The following NHEJ1 variants were observed in gnomAD, a reference collection of about 807,000 sequenced individuals.
NHEJ1 encodes non-homologous end-joining factor 1.
Under a neutral mutation model 39.4 loss-of-function variants are expected in NHEJ1, and 22 were observed. That is an observed-to-expected ratio of 0.56 (90% CI 0.40 to 0.80). The LOEUF is 0.80. NHEJ1 is among the 30% of genes least tolerant of loss of function. NHEJ1 has a pLI of 0.00. For synonymous variants in NHEJ1, 154 were observed against 135.6 expected, an observed-to-expected ratio of 1.14 and a Z score of -0.94; for missense variants, 329 against 357.1, an observed-to-expected ratio of 0.92 and a Z score of 0.63.
intron 5 of NHEJ1, among the ~76,000 whole-genome samples, chr2:219,128,908 C>G (rs1949549474): frequency 6.6e-6 from 1 of 152,248 alleles, no homozygotes; most frequent in Non-Finnish European, 1.5e-5. Flanking sequence ...GTCCATACAA[C>G]TCTTCCAATG....
chr2:219,110,929 A>T (rs1949359884), intron 5 of NHEJ1, among the ~76,000 whole-genome samples: 1 of 152,148 alleles, frequency 6.6e-6, no homozygotes, highest in African/African-American at 2.4e-5. Context: ...GTTGGACTGA[A>T]CTGTCCAAGC....
At chr2:219,153,697 G>GA (rs1375597999) in intron 3 of NHEJ1, among the ~76,000 whole-genome samples, 1 of 129,368 alleles carries the variant, frequency 7.7e-6, no homozygotes, top group Non-Finnish European at 1.8e-5. Context: ...AGAAAAGGGG[G>GA]GGGGGGTGGA....
chr2:219,141,335 G>A (rs1949689510), intron 5 of NHEJ1, among the ~76,000 whole-genome samples: 2 of 151,224 alleles, frequency 1.3e-5, no homozygotes, highest in Admixed American at 6.6e-5. Context: ...AGCCGAGATT[G>A]TGCCACTGCA....
At chr2:219,097,712 A>G (rs1949222440) in intron 5 of NHEJ1, among the ~76,000 whole-genome samples, 2 of 152,204 alleles carry the variant, frequency 1.3e-5, no homozygotes, top group South Asian at 4.1e-4. Context: ...GAGAAGTTCA[A>G]TATGAATATG....
At chr2:219,126,020 T>C (rs112455939) in intron 5 of NHEJ1, among the ~76,000 whole-genome samples, 3 of 152,214 alleles carry the variant, frequency 2.0e-5, no homozygotes, top group Non-Finnish European at 4.4e-5. Flanking sequence ...TTCTCCAAGA[T>C]AGAGGATTCC....
chr2:219,078,304 TA>T, intron 5 of NHEJ1, 98 bp from the exon 6 acceptor site: 1 of 1,043,804 alleles, frequency 9.6e-7, no homozygotes, highest in Non-Finnish European at 1.5e-6. Flanking sequence ...CCAAATGAAT[TA>T]ATATAAAGCA....
In NHEJ1 at chr2:219,157,603, C is replaced by T. The variant is rs150307533; in HGVS notation, c.259G>A (p.Ala87Thr). 6.1e-5 allele frequency: 98 copies of T among 1,614,004 alleles called. No homozygotes were observed. Among genetic ancestry groups the T allele is most frequent in the African/African-American group, 5.9e-4 (44 of 74,920 alleles). ...DNLLRPLLKD[A>T]AHPSEATFSC... ...AAGGTAGCTTCGCTAGGGTGAGCAG[C>T]GTCCTTCAACAATGGGCGAAGGAGA... Residue 87 changes from alanine (A) to threonine (T), a missense_variant, in exon 3 of 8, where the codon GCT becomes ACT. By Grantham distance (58) the Ala-to-Thr change is moderately conservative (BLOSUM62 0). Coordinates refer to ENST00000356853, the MANE Select transcript of NHEJ1 (RefSeq NM_024782.3).
At chr2:219,139,704 T>A (rs895468990) in intron 5 of NHEJ1, among the ~76,000 whole-genome samples, 1 of 152,152 alleles carries the variant, frequency 6.6e-6, no homozygotes, top group Non-Finnish European at 1.5e-5. Flanking sequence ...TGAGACAGAG[T>A]CTCGCTCTTT....
At chr2:219,142,289 G>A (rs947460825) in intron 5 of NHEJ1, among the ~76,000 whole-genome samples, 2 of 152,208 alleles carry the variant, frequency 1.3e-5, no homozygotes, top group Non-Finnish European at 1.5e-5. Context: ...CCTACCAAAG[G>A]AAGCCAACTT....
At chr2:219,147,509 C>G (rs1432940653) in intron 4 of NHEJ1, 148 bp downstream of exon 4, 1 of 904,504 alleles carries the variant, frequency 1.1e-6, no homozygotes, top group South Asian at 1.4e-5. Flanking sequence ...AAAGAGTCAC[C>G]TAATATCAAG....
At chr2:219,138,776 C>G (rs896663532) in intron 5 of NHEJ1, among the ~76,000 whole-genome samples, 10 of 152,122 alleles carry the variant, frequency 6.6e-5, no homozygotes, top group Admixed American at 3.9e-4. Context: ...GCAGGGGGGA[C>G]AAATGGAGCT....
At chr2:219,116,626 G>A (rs1165788770) in intron 5 of NHEJ1, among the ~76,000 whole-genome samples, 1 of 152,088 alleles carries the variant, frequency 6.6e-6, no homozygotes, top group Non-Finnish European at 1.5e-5. Context: ...CAAAGTACTG[G>A]GATTACAGGT....
intron 5 of NHEJ1, among the ~76,000 whole-genome samples, chr2:219,116,506 A>G (rs1949417949): frequency 6.6e-6 from 1 of 151,926 alleles, no homozygotes; most frequent in Admixed American, 6.6e-5. Flanking sequence ...ACAGACATGC[A>G]CCACCACACC....
chr2:219,118,938 C>T lies in NHEJ1; in HGVS notation c.588+27742G>A, dbSNP rs114684584. Among the ~76,000 whole-genome samples the T allele has an allele frequency of 1.6e-3, 248 of 152,042 alleles. 1 individual carries two copies. Among genetic ancestry groups the T allele is most frequent in the African/African-American group, 5.4e-3 (224 of 41,276 alleles). On this transcript the variant is annotated intron_variant, in intron 5 of 7. Transcript: ENST00000356853. ...ACACAGACAGATGCTAAAGGGCAGA[C>T]TCTGAGTTTCAGCAGATCCTGGGGG...
At chr2:219,154,281 T>C (rs1261531753) in intron 3 of NHEJ1, among the ~76,000 whole-genome samples, 2 of 152,138 alleles carry the variant, frequency 1.3e-5, no homozygotes, top group African/African-American at 4.8e-5. Context: ...CACATATACA[T>C]AGATATATAT....
At position 219,071,066 on chromosome 2, in the gene NHEJ1, T is replaced by G. The variant is rs1948951684; in HGVS notation, c.*5315A>C. ...ATGTGGCATCAGGCTTTTTCTGTCT[T>G]GAGTAAGGGCTGTCTTTACCATGCA... On this transcript the variant is annotated 3_prime_UTR_variant, in exon 8 of 8. Coordinates refer to ENST00000356853, the MANE Select transcript of NHEJ1 (RefSeq NM_024782.3). Among the ~76,000 whole-genome samples, 1 of 152,192 alleles carries G rather than the reference T, an allele frequency of 6.6e-6. No homozygotes were observed. The highest frequency in any genetic ancestry group is 2.1e-4 in the South Asian group (1 of 4,820).
intron 1 of NHEJ1, 51 bp from the exon 2 acceptor site, chr2:219,158,413 G>A: frequency 6.3e-7 from 1 of 1,574,834 alleles, no homozygotes; most frequent in Non-Finnish European, 8.7e-7. Flanking sequence ...TGCTGGCCTA[G>A]GGAGGGCACC....
chr2:219,094,583 C>T (rs140198903), intron 5 of NHEJ1, among the ~76,000 whole-genome samples: 1 of 152,256 alleles, frequency 6.6e-6, no homozygotes, highest in Non-Finnish European at 1.5e-5. Context: ...TCTAAAATGC[C>T]CAGATCATTT....
intron 5 of NHEJ1, among the ~76,000 whole-genome samples, chr2:219,100,471 G>A (rs1350410642): frequency 6.6e-6 from 1 of 151,752 alleles, no homozygotes; most frequent in East Asian, 1.9e-4. Flanking sequence ...AATAGCTGGG[G>A]ATGGTAGTGC....
Sources: gnomAD v4.1 joint callset for allele counts (sites outside exome capture counted in the v4.1 genomes callset) on GRCh38, gnomAD v4.1.1 for gene constraint, MANE v1.5 for transcripts, NCBI Gene and HGNC (gene_info 2026-07-23, HGNC 2026-07-21) for gene names.